MARCHF10: variants seen among roughly 807,000 people sequenced by gnomAD.
MARCHF10 encodes the protein probable E3 ubiquitin-protein ligase MARCHF10.
A neutral mutation model predicts 76.2 loss-of-function variants in MARCHF10; 64 were observed. That is an observed-to-expected ratio of 0.84 (90% CI 0.69 to 1.03). The LOEUF is 1.03. Among genes scored for constraint, MARCHF10 ranks in the 50% least tolerant of loss-of-function variants. The probability of loss-of-function intolerance (pLI) is 0.00; values close to 1 mark genes in which losing one functional copy is unlikely to be tolerated. For missense variants in MARCHF10, 875 were observed against 958.0 expected, an observed-to-expected ratio of 0.91 and a Z score of 1.14; for synonymous variants, 340 against 357.5, an observed-to-expected ratio of 0.95 and a Z score of 0.55.
intron 2 of MARCHF10, among the ~76,000 whole-genome samples, chr17:62,796,787 G>A (rs1292432220): frequency 6.6e-6 from 1 of 152,288 alleles, no homozygotes; most frequent in East Asian, 1.9e-4. Flanking sequence ...CCAGGAGTTC[G>A]ATACCAGCCT....
chr17:62,760,226 T>G (rs1180448354), intron 3 of MARCHF10, among the ~76,000 whole-genome samples: 1 of 152,216 alleles, frequency 6.6e-6, no homozygotes, highest in African/African-American at 2.4e-5. Context: ...TAGAACATTA[T>G]GAAAGAATGC....
At chr17:62,723,876 A>G (rs1259314892) in intron 7 of MARCHF10, among the ~76,000 whole-genome samples, 1 of 152,158 alleles carries the variant, frequency 6.6e-6, no homozygotes, top group African/African-American at 2.4e-5. Context: ...CAGTGGACTT[A>G]TATTTCTTAT....
chr17:62,800,215 C>T (rs2093048945), intron 2 of MARCHF10, among the ~76,000 whole-genome samples: 1 of 152,066 alleles, frequency 6.6e-6, no homozygotes, highest in South Asian at 2.1e-4. Context: ...GTTAAGAGCC[C>T]AATGGAGATT....
chr17:62,771,645 C>T (rs931010217), intron 3 of MARCHF10, among the ~76,000 whole-genome samples: 15 of 146,672 alleles, frequency 1.0e-4, no homozygotes, highest in East Asian at 2.1e-4. Flanking sequence ...GGTGTGATCT[C>T]GGCTCACTGC....
Position 62,769,889 on chromosome 17 carries a change from T to C in MARCHF10, c.211-9883A>G, listed in dbSNP as rs142338425. ...AATGGTGAGTGGCAGTTCATTCAAG[T>C]TGGCTTTTAAAAATTTTTTTCAATG... is the stretch of plus-strand genomic sequence containing the variant. On this transcript the variant is annotated intron_variant, in intron 3 of 10. Coordinates refer to ENST00000311269, the MANE Select transcript of MARCHF10 (RefSeq NM_152598.4). 2.0e-5 allele frequency among the ~76,000 whole-genome samples: 3 copies of C among 152,316 alleles called. No individual in the cohort carries two copies. In the East Asian group the frequency reaches 5.8e-4, roughly 29 times the overall value.
intron 2 of MARCHF10, among the ~76,000 whole-genome samples, chr17:62,795,894 A>G (rs184148321): frequency 0.011 from 1,642 of 152,250 alleles, 15 homozygotes; most frequent in Non-Finnish European, 0.015. Flanking sequence ...CTCATTGATG[A>G]TCCAGAGTGC....
chr17:62,710,502 C>T (rs1202680587), intron 9 of MARCHF10, among the ~76,000 whole-genome samples: 1 of 115,444 alleles, frequency 8.7e-6, no homozygotes, highest in Admixed American at 9.0e-5. Flanking sequence ...GAATGTGAGC[C>T]AGAAAAAAAA....
chr17:62,705,855 T>C (rs1016205049), intron 9 of MARCHF10, among the ~76,000 whole-genome samples: 14 of 152,122 alleles, frequency 9.2e-5, no homozygotes, highest in African/African-American at 2.9e-4. Flanking sequence ...CTTTGAGCAA[T>C]TGATCTGAAT....
chr17:62,729,526 A>C (rs1464635901), intron 6 of MARCHF10, among the ~76,000 whole-genome samples: 1 of 148,120 alleles, frequency 6.8e-6, no homozygotes, highest in Non-Finnish European at 1.5e-5. Flanking sequence ...CTATGTGTGT[A>C]TATATATACA....
At chr17:62,764,061 G>A (rs1350867658) in intron 3 of MARCHF10, among the ~76,000 whole-genome samples, 2 of 152,138 alleles carry the variant, frequency 1.3e-5, no homozygotes, top group Non-Finnish European at 2.9e-5. Context: ...AGATGTCCTG[G>A]AAGGTGAAAA....
In MARCHF10 at chr17:62,740,083, CGTGT is replaced by C. The variant is rs72034322; in HGVS notation, c.536-2755_536-2752del. Among the ~76,000 whole-genome samples, 10 of 144,006 alleles carry C rather than the reference CGTGT, an allele frequency of 6.9e-5. No individual in the cohort carries two copies. In the East Asian group the frequency reaches 1.3e-3, roughly 19 times the overall value. The allele number at this position is 144,006 out of a possible 152,430, so 94.5% of individuals were successfully genotyped here. A position where few individuals can be genotyped will look rare whatever the true frequency, so the allele number is the denominator to read the frequency against. ...GTGTGTGTGTGTGTGTGTGTGTGTG[CGTGT>C]GTGTGTGTGTTTCCCCTAAAGGTGG... On this transcript the variant is annotated intron_variant, in intron 5 of 10. Coordinates refer to ENST00000311269, the MANE Select transcript of MARCHF10 (RefSeq NM_152598.4).
chr17:62,749,393 C>T (rs1373928823), intron 4 of MARCHF10, among the ~76,000 whole-genome samples: 2 of 152,132 alleles, frequency 1.3e-5, no homozygotes, highest in African/African-American at 4.8e-5. Flanking sequence ...CCCCACATTA[C>T]TTTGACTGGG....
At chr17:62,795,357 A>T (rs2092967044) in intron 2 of MARCHF10, among the ~76,000 whole-genome samples, 1 of 38,758 alleles carries the variant, frequency 2.6e-5, no homozygotes, top group Non-Finnish European at 4.7e-5. Context: ...TCATTTGATC[A>T]AAAAAAAAAA....
chr17:62,732,747 C>A (rs146343426), intron 6 of MARCHF10, among the ~76,000 whole-genome samples: 1 of 152,198 alleles, frequency 6.6e-6, no homozygotes, highest in Non-Finnish European at 1.5e-5. Context: ...AATTCCAGCA[C>A]TTTGAGGGGA....
At chr17:62,806,376 T>C (rs2093164366) in intron 1 of MARCHF10, 1 of 152,258 alleles carries the variant, frequency 6.6e-6, no homozygotes, top group Admixed American at 6.5e-5. Flanking sequence ...TAATAAAATG[T>C]GAGCAAGGCG....
chr17:62,734,181 C>T (rs2091158619), intron 6 of MARCHF10, among the ~76,000 whole-genome samples: 2 of 149,788 alleles, frequency 1.3e-5, no homozygotes, highest in Admixed American at 1.3e-4. Context: ...AAGACTCCCT[C>T]AAGAAAAAAA....
At chr17:62,734,977 G>T (rs893751367) in intron 6 of MARCHF10, among the ~76,000 whole-genome samples, 3 of 152,168 alleles carry the variant, frequency 2.0e-5, no homozygotes, top group East Asian at 3.8e-4. Context: ...TTAACCGTGG[G>T]TCGGTCTTCT....
chr17:62,786,040 C>T lies in MARCHF10; in HGVS notation c.210+2440G>A, dbSNP rs563799743. 7.0e-4 allele frequency among the ~76,000 whole-genome samples: 107 copies of T among 152,114 alleles called. 2 individuals carry two copies. The highest frequency in any genetic ancestry group is 2.5e-3 in the African/African-American group (103 of 41,516). ...AGTGATCCCGTTACTGGGTATATAC[C>T]CAAAGGATTATAAATCATGCTACTA... On this transcript the variant is annotated intron_variant, in intron 3 of 10. Coordinates refer to ENST00000311269, the MANE Select transcript of MARCHF10 (RefSeq NM_152598.4).
At chr17:62,798,962 C>A (rs1261707882) in intron 2 of MARCHF10, among the ~76,000 whole-genome samples, 1 of 152,058 alleles carries the variant, frequency 6.6e-6, no homozygotes, top group African/African-American at 2.4e-5. Flanking sequence ...TAGCCTGGAG[C>A]GAATGGGAGG....
Sources: allele counts gnomAD v4.1 joint callset (sites outside exome capture counted in the v4.1 genomes callset), GRCh38; gene constraint gnomAD v4.1.1; transcripts MANE v1.5; gene names NCBI Gene and HGNC (gene_info 2026-07-23, HGNC 2026-07-21).